The following SPOCK3 variants were observed in gnomAD, a reference collection of about 807,000 sequenced individuals.
SPOCK3 encodes SPARC (osteonectin), cwcv and kazal like domains proteoglycan 3.
Under a neutral mutation model 56.6 loss-of-function variants are expected in SPOCK3, and 30 were observed. The observed-to-expected ratio is 0.53, with a 90% CI of 0.40 to 0.72. The LOEUF (loss-of-function observed/expected upper bound fraction) is 0.72. SPOCK3 is among the 30% of genes least tolerant of loss of function. The pLI is 0.00. For synonymous variants in SPOCK3, 196 were observed against 183.3 expected, an observed-to-expected ratio of 1.07 and a Z score of -0.56; for missense variants, 527 against 530.0, an observed-to-expected ratio of 0.99 and a Z score of 0.06.
intron 4 of SPOCK3, among the ~76,000 whole-genome samples, chr4:166,926,739 T>C (rs1246508178): frequency 1.3e-5 from 2 of 152,136 alleles, no homozygotes; most frequent in East Asian, 1.9e-4. Context: ...GGAATAATTA[T>C]TTTTAGACAA....
intron 6 of SPOCK3, among the ~76,000 whole-genome samples, chr4:166,859,210 C>T (rs1730992935): frequency 6.6e-6 from 1 of 152,148 alleles, no homozygotes; most frequent in Non-Finnish European, 1.5e-5. Context: ...TGTAAGTGCA[C>T]TCCATGTTGT....
intron 4 of SPOCK3, among the ~76,000 whole-genome samples, chr4:166,999,285 T>C (rs1748709793): frequency 6.6e-6 from 1 of 152,204 alleles, no homozygotes; most frequent in South Asian, 2.1e-4. Context: ...TCTGCCACTA[T>C]AGACTTAACA....
chr4:166,801,699 G>A (rs1023055822), intron 6 of SPOCK3, among the ~76,000 whole-genome samples: 1 of 152,024 alleles, frequency 6.6e-6, no homozygotes, highest in African/African-American at 2.4e-5. Context: ...TATTTAAAAT[G>A]TGCATTGTTT....
At chr4:166,763,927 C>T (rs1737588264) in intron 7 of SPOCK3, among the ~76,000 whole-genome samples, 1 of 152,098 alleles carries the variant, frequency 6.6e-6, no homozygotes, top group Non-Finnish European at 1.5e-5. Flanking sequence ...ACACTAAAAT[C>T]AAGGTATCTG....
At chr4:167,020,373 A>G (rs138644195) in intron 3 of SPOCK3, among the ~76,000 whole-genome samples, 93 of 152,214 alleles carry the variant, frequency 6.1e-4, no homozygotes, top group African/African-American at 2.1e-3. Flanking sequence ...AAGTTTCTCT[A>G]TTGCTTATAG....
At chr4:167,040,609 A>C (rs943461624) in intron 3 of SPOCK3, among the ~76,000 whole-genome samples, 20 of 152,166 alleles carry the variant, frequency 1.3e-4, no homozygotes, top group Non-Finnish European at 5.9e-5. Context: ...GATTCCCCCA[A>C]CATATTTTTG....
intron 2 of SPOCK3, among the ~76,000 whole-genome samples, chr4:167,177,115 G>A (rs1237768686): frequency 3.9e-5 from 6 of 152,150 alleles, no homozygotes; most frequent in East Asian, 3.9e-4. Context: ...ATTATTTGAC[G>A]AGGAACTAGT....
intron 2 of SPOCK3, among the ~76,000 whole-genome samples, chr4:167,216,098 T>G (rs1208826764): frequency 1.3e-5 from 2 of 152,152 alleles, no homozygotes; most frequent in Non-Finnish European, 2.9e-5. Flanking sequence ...CACTTCAGAC[T>G]TCTTCTGATG....
At chr4:166,818,009 A>T (rs1268201583) in intron 6 of SPOCK3, among the ~76,000 whole-genome samples, 1 of 152,084 alleles carries the variant, frequency 6.6e-6, no homozygotes, top group African/African-American at 2.4e-5. Flanking sequence ...TCATTTTTTT[A>T]AATTAAAAAA....
At chr4:167,213,013 T>C (rs530864415) in intron 2 of SPOCK3, among the ~76,000 whole-genome samples, 33 of 152,310 alleles carry the variant, frequency 2.2e-4, no homozygotes, top group African/African-American at 7.9e-4. Flanking sequence ...CCGTCTGTAG[T>C]GAAGATGCTG....
chr4:167,218,303 G>T (rs561726904), intron 2 of SPOCK3, among the ~76,000 whole-genome samples: 13 of 152,218 alleles, frequency 8.5e-5, no homozygotes, highest in Non-Finnish European at 1.2e-4. Flanking sequence ...ATGTTTTGAC[G>T]TTTTACTTGA....
intron 3 of SPOCK3, among the ~76,000 whole-genome samples, chr4:167,016,690 A>G (rs1750658036): frequency 1.3e-5 from 2 of 151,852 alleles, no homozygotes; most frequent in Non-Finnish European, 2.9e-5. Flanking sequence ...ACAGGCGTCT[A>G]CCACCACACC....
chr4:167,145,701 G>A (rs1419678644), intron 2 of SPOCK3, among the ~76,000 whole-genome samples: 1 of 152,034 alleles, frequency 6.6e-6, no homozygotes, highest in Non-Finnish European at 1.5e-5. Flanking sequence ...TTCATATCCA[G>A]CCAAACTAAG....
intron 7 of SPOCK3, among the ~76,000 whole-genome samples, chr4:166,784,919 G>A (rs1412275287): frequency 1.3e-5 from 2 of 152,124 alleles, no homozygotes; most frequent in South Asian, 2.1e-4. Context: ...ATTGTTAAAG[G>A]GAAAATTAGT....
At chr4:166,899,239 C>T (rs1012589879) in intron 5 of SPOCK3, among the ~76,000 whole-genome samples, 1 of 124,266 alleles carries the variant, frequency 8.0e-6, no homozygotes, top group Non-Finnish European at 1.8e-5. Flanking sequence ...AATAAATCTC[C>T]TCATATCTAT....
chr4:167,032,854 G>T (rs1190006005), intron 3 of SPOCK3, among the ~76,000 whole-genome samples: 1 of 151,858 alleles, frequency 6.6e-6, no homozygotes. Context: ...GAGCTCAATT[G>T]TCATTATCTC....
At chr4:167,220,085 C>T (rs776725926) in intron 2 of SPOCK3, among the ~76,000 whole-genome samples, 173 of 152,104 alleles carry the variant, frequency 1.1e-3, no homozygotes, top group Non-Finnish European at 1.8e-3. Flanking sequence ...ACAGAGATTG[C>T]TTGGTTTTCT....
intron 4 of SPOCK3, among the ~76,000 whole-genome samples, chr4:166,972,219 C>T (rs958735676): frequency 6.6e-6 from 1 of 152,090 alleles, no homozygotes; most frequent in Non-Finnish European, 1.5e-5. Flanking sequence ...AAAGAGAAAG[C>T]CTTCAGCAGC....
At chr4:166,997,342 A>G (rs1319690110) in intron 4 of SPOCK3, among the ~76,000 whole-genome samples, 1 of 152,086 alleles carries the variant, frequency 6.6e-6, no homozygotes, top group African/African-American at 2.4e-5. Context: ...ATATTTAAAA[A>G]TCCTCCTTTT....
Sources: gnomAD v4.1 joint callset for allele counts (sites outside exome capture counted in the v4.1 genomes callset) on GRCh38, gnomAD v4.1.1 for gene constraint, MANE v1.5 for transcripts, NCBI Gene and HGNC (gene_info 2026-07-23, HGNC 2026-07-21) for gene names.